The following CNTNAP2 variants were observed in gnomAD, a reference collection of about 807,000 sequenced individuals.
The protein encoded by CNTNAP2 is contactin associated protein 2.
Under a neutral mutation model 155.2 loss-of-function variants are expected in CNTNAP2, and 98 were observed. The ratio of observed to expected loss-of-function variants is 0.63; its 90% CI spans 0.54 to 0.75. The LOEUF (loss-of-function observed/expected upper bound fraction) is 0.75. Among genes scored for constraint, CNTNAP2 ranks in the 30% least tolerant of loss-of-function variants. The probability of loss-of-function intolerance (pLI) is 0.00; values close to 1 mark genes in which losing one functional copy is unlikely to be tolerated. For synonymous variants in CNTNAP2, 651 were observed against 631.2 expected (o/e 1.03, Z -0.47); for missense variants, 1,727 against 1,688.1 (o/e 1.02, Z -0.40).
At chr7:148,042,868 G>A (rs1230642119) in intron 15 of CNTNAP2, among the ~76,000 whole-genome samples, 1 of 152,202 alleles carries the variant, frequency 6.6e-6, no homozygotes, top group African/African-American at 2.4e-5. Context: ...GAAGCAGGAA[G>A]CCATGAATGA....
intron 8 of CNTNAP2, among the ~76,000 whole-genome samples, chr7:147,154,270 A>C (rs1250234731): frequency 6.6e-6 from 1 of 152,182 alleles, no homozygotes; most frequent in East Asian, 1.9e-4. Flanking sequence ...GACAGAGTAC[A>C]ACCATCTCAT....
chr7:147,384,023 C>T (rs1205338267), intron 9 of CNTNAP2, among the ~76,000 whole-genome samples: 1 of 151,962 alleles, frequency 6.6e-6, no homozygotes, highest in Non-Finnish European at 1.5e-5. Flanking sequence ...TCTGGGAGGG[C>T]CTCTTGGAAG....
At chr7:147,810,194 T>C (rs1346384445) in intron 13 of CNTNAP2, among the ~76,000 whole-genome samples, 2 of 151,018 alleles carry the variant, frequency 1.3e-5, no homozygotes, top group African/African-American at 4.9e-5. Context: ...AACCTTCAAC[T>C]ATATAATTGA....
intron 15 of CNTNAP2, among the ~76,000 whole-genome samples, chr7:147,993,047 C>T (rs1241190483): frequency 1.3e-5 from 2 of 152,186 alleles, no homozygotes; most frequent in Non-Finnish European, 2.9e-5. Context: ...AAGTATTTTG[C>T]TGTGGTATTC....
At position 146,184,974 on chromosome 7, in the gene CNTNAP2, G is replaced by A. The variant is rs556135352; in HGVS notation, c.97+68001G>A. ...GAGATGGTTTTTCTGTATCATTTCT[G>A]CTAAAAGTTAAAGAAATAAAAACGA... is the stretch of plus-strand genomic sequence containing the variant. On this transcript the variant is annotated intron_variant, in intron 1 of 23. Coordinates refer to ENST00000361727, the MANE Select transcript of CNTNAP2 (RefSeq NM_014141.6). Among the ~76,000 whole-genome samples the A allele has an allele frequency of 3.9e-5, 6 of 152,114 alleles. No individual in the cohort carries two copies. In the South Asian group the frequency reaches 8.3e-4, roughly 21 times the overall value.
At chr7:147,143,500 C>T (rs1407472324) in intron 8 of CNTNAP2, among the ~76,000 whole-genome samples, 6 of 151,978 alleles carry the variant, frequency 3.9e-5, no homozygotes, top group Admixed American at 1.3e-4. Context: ...CCCACTTTTC[C>T]TTTGTCTGTC....
At chr7:147,491,317 C>T (rs572616883) in intron 11 of CNTNAP2, among the ~76,000 whole-genome samples, 103 of 152,066 alleles carry the variant, frequency 6.8e-4, no homozygotes, top group African/African-American at 2.2e-3. Context: ...TCCTATACCA[C>T]GACCCCCCAC....
intron 12 of CNTNAP2, among the ~76,000 whole-genome samples, chr7:147,635,883 T>C (rs142772025): frequency 0.011 from 1,667 of 152,308 alleles, 104 homozygotes; most frequent in Admixed American, 0.1. Flanking sequence ...GACAAGGCTC[T>C]TGATAGAGAT....
chr7:146,355,742 C>T (rs904177530), intron 1 of CNTNAP2, among the ~76,000 whole-genome samples: 2 of 151,948 alleles, frequency 1.3e-5, no homozygotes, highest in Non-Finnish European at 2.9e-5. Flanking sequence ...ATGATTTTTG[C>T]TTTTGTCTTG....
At chr7:146,703,895 C>T (rs1313095130) in intron 1 of CNTNAP2, among the ~76,000 whole-genome samples, 1 of 152,124 alleles carries the variant, frequency 6.6e-6, no homozygotes, top group Non-Finnish European at 1.5e-5. Flanking sequence ...ATTTCTCTCT[C>T]CCTTCTTTGT....
At chr7:148,087,537 C>G (rs922118877) in intron 15 of CNTNAP2, among the ~76,000 whole-genome samples, 1 of 152,146 alleles carries the variant, frequency 6.6e-6, no homozygotes, top group Non-Finnish European at 1.5e-5. Flanking sequence ...CTTTCTCCCT[C>G]TCTCTCATCA....
Position 147,448,482 on chromosome 7 carries a change from G to GTATATATATATATATATA in CNTNAP2, c.1671-37452_1671-37451insATATATATATATATATAT, listed in dbSNP as rs10635826. Among the ~76,000 whole-genome samples the GTATATATATATATATATA allele has an allele frequency of 5.8e-5, 6 of 103,364 alleles. No individual in the cohort carries two copies. The East Asian group carries it at 1.2e-3, about 20-fold the overall frequency. 67.8% of individuals were successfully genotyped at this position (103,364 alleles called of 152,430 possible). A position where few individuals can be genotyped will look rare whatever the true frequency, so the allele number is the denominator to read the frequency against. On this transcript the variant is annotated intron_variant, in intron 10 of 23. Transcript: ENST00000361727. ...AAAAACAAACCAAATATGTGTGTGT[G>GTATATATATATATATATA]TGTATATATATATATATATATATGC...
chr7:146,154,968 A>G (rs1798102709), intron 1 of CNTNAP2, among the ~76,000 whole-genome samples: 1 of 152,192 alleles, frequency 6.6e-6, no homozygotes, highest in African/African-American at 2.4e-5. Context: ...CTCTACTGTC[A>G]CTCATATTGT....
chr7:146,626,921 A>G (rs1799429594), intron 1 of CNTNAP2, among the ~76,000 whole-genome samples: 2 of 152,084 alleles, frequency 1.3e-5, no homozygotes, highest in Admixed American at 1.3e-4. Context: ...CTCTAATATA[A>G]CATTGCTTCT....
At chr7:146,991,354 A>C (rs1485434173) in intron 3 of CNTNAP2, among the ~76,000 whole-genome samples, 1 of 152,162 alleles carries the variant, frequency 6.6e-6, no homozygotes, top group Admixed American at 6.5e-5. Flanking sequence ...CCTGATATGC[A>C]CTTCAATATC....
At chr7:147,135,389 C>A (rs542078265) in intron 8 of CNTNAP2, among the ~76,000 whole-genome samples, 2 of 151,832 alleles carry the variant, frequency 1.3e-5, no homozygotes, top group South Asian at 4.1e-4. Context: ...AAAAACCCTA[C>A]TTACTTTTTG....
At chr7:147,421,915 A>G (rs537505758) in intron 10 of CNTNAP2, among the ~76,000 whole-genome samples, 23 of 151,920 alleles carry the variant, frequency 1.5e-4, no homozygotes, top group African/African-American at 5.1e-4. Flanking sequence ...GCCTTTTTCC[A>G]TAAGTAAAGC....
intron 1 of CNTNAP2, among the ~76,000 whole-genome samples, chr7:146,228,438 A>G (rs1434975078): frequency 6.6e-6 from 1 of 152,226 alleles, no homozygotes; most frequent in Admixed American, 6.5e-5. Flanking sequence ...AGAGTTGTAT[A>G]AAAGTTAAAT....
chr7:146,627,656 A>G (rs998359434), intron 1 of CNTNAP2, among the ~76,000 whole-genome samples: 1 of 152,172 alleles, frequency 6.6e-6, no homozygotes, highest in African/African-American at 2.4e-5. Flanking sequence ...TGACCTTCAC[A>G]GTATACATTT....
Sources: gnomAD v4.1 joint callset for allele counts (sites outside exome capture counted in the v4.1 genomes callset) on GRCh38, gnomAD v4.1.1 for gene constraint, MANE v1.5 for transcripts, NCBI Gene and HGNC (gene_info 2026-07-23, HGNC 2026-07-21) for gene names.